The following CLIP1 variants were observed in gnomAD, a reference collection of about 807,000 sequenced individuals.
CLIP1 encodes CAP-Gly domain containing linker protein 1.
Under a neutral mutation model 161.6 loss-of-function variants are expected in CLIP1, and 66 were observed. The ratio of observed to expected loss-of-function variants is 0.41; its 90% CI spans 0.33 to 0.50. The LOEUF is 0.50. Among genes scored for constraint, CLIP1 ranks in the 20% least tolerant of loss-of-function variants. The pLI, the probability that CLIP1 is intolerant of heterozygous loss-of-function variation, is 0.27. For synonymous variants in CLIP1, 598 were observed against 626.2 expected, an observed-to-expected ratio of 0.96 and a Z score of 0.67; for missense variants, 1,376 against 1,702.0, an observed-to-expected ratio of 0.81 and a Z score of 3.37.
At chr12:122,394,228 G>A (rs1354522072) in intron 1 of CLIP1, among the ~76,000 whole-genome samples, 3 of 152,054 alleles carry the variant, frequency 2.0e-5, no homozygotes, top group South Asian at 2.1e-4. Flanking sequence ...GGTGGCTCAC[G>A]CCTGTAATCC....
chr12:122,326,859 G>T (rs980862405), intron 17 of CLIP1, among the ~76,000 whole-genome samples: 1 of 152,092 alleles, frequency 6.6e-6, no homozygotes, highest in Admixed American at 6.6e-5. Flanking sequence ...AAAACTGGAG[G>T]TATTTCACAG....
chr12:122,326,368 A>C (rs1324837337), intron 17 of CLIP1, among the ~76,000 whole-genome samples: 1 of 152,004 alleles, frequency 6.6e-6, no homozygotes, highest in Non-Finnish European at 1.5e-5. Context: ...ATGGTGGCTC[A>C]CGCCTGCAAC....
intron 3 of CLIP1, among the ~76,000 whole-genome samples, chr12:122,376,633 AT>A (rs1479272600): frequency 1.3e-5 from 2 of 150,618 alleles, no homozygotes; most frequent in Non-Finnish European, 1.5e-5. Flanking sequence ...TGCCCGGCTA[AT>A]TTTTTTTGTA....
At chr12:122,390,292 A>ATATATATG (rs1555280680) in intron 1 of CLIP1, among the ~76,000 whole-genome samples, 11 of 132,842 alleles carry the variant, frequency 8.3e-5, no homozygotes, top group African/African-American at 3.1e-4. Flanking sequence ...ATATATATAT[A>ATATATATG]TATATATATA....
At chr12:122,301,005 A>G (rs1164310315) in intron 20 of CLIP1, among the ~76,000 whole-genome samples, 2 of 152,208 alleles carry the variant, frequency 1.3e-5, no homozygotes, top group African/African-American at 2.4e-5. Context: ...GACAAACTCA[A>G]AATAAGAGAG....
intron 20 of CLIP1, 117 bp downstream of exon 20, chr12:122,309,645 T>A: frequency 8.1e-7 from 1 of 1,232,034 alleles, no homozygotes; most frequent in South Asian, 1.4e-5. Context: ...AACTTGGAAT[T>A]CCATTTGGAA....
At position 122,292,731 on chromosome 12, in the gene CLIP1, C is replaced by A. The variant is rs150289369; in HGVS notation, c.3595-4190G>T. Among the ~76,000 whole-genome samples the A allele has an allele frequency of 2.0e-4, 30 of 152,212 alleles. No homozygotes were observed. In the East Asian group the frequency reaches 5.2e-3, roughly 26 times the overall value. On this transcript the variant is annotated intron_variant, in intron 20 of 25. Transcript: ENST00000620786. ...AAGAAAGTATAAAGATGGCCGGGCA[C>A]GGTGGCTCAAGCCTGTAATCCCAGC...
chr12:122,381,273 A>AT (rs1489193305), intron 1 of CLIP1, among the ~76,000 whole-genome samples: 2 of 152,152 alleles, frequency 1.3e-5, no homozygotes, highest in Non-Finnish European at 2.9e-5. Flanking sequence ...TATTAGCTAT[A>AT]TTTTTTAAAT....
At position 122,337,156 on chromosome 12, in the gene CLIP1, TG is replaced by T. The variant is rs370674891; in HGVS notation, c.2452-409del. On this transcript the variant is annotated intron_variant, in intron 11 of 25. Transcript: ENST00000620786. ...AATGTTTAAAAAATTTTTTTACAGA[TG>T]GGGTCTCTGGCTGGGCTCGGTGGCT... is the stretch of plus-strand genomic sequence containing the variant. Among the ~76,000 whole-genome samples, 752 of 151,896 alleles carry T rather than the reference TG, an allele frequency of 5.0e-3. 10 individuals are homozygous for T. Among genetic ancestry groups the T allele is most frequent in the African/African-American group, 0.017 (722 of 41,458 alleles).
Position 122,372,248 on chromosome 12 carries a change from C to T in CLIP1, c.657+5141G>A, listed in dbSNP as rs575145307. On this transcript the variant is annotated intron_variant, in intron 3 of 25. Transcript: ENST00000620786. Reference sequence around the variant, plus strand: ...CCAGCCTGACCAACATGGAAAAACCCCGTCTCTACTAAAAATACAAAATTA... The same window carrying T: ...CCAGCCTGACCAACATGGAAAAACCTCGTCTCTACTAAAAATACAAAATTA... Among the ~76,000 whole-genome samples, 6 of 152,104 alleles carry T rather than the reference C, an allele frequency of 3.9e-5. No homozygotes were observed. The South Asian group carries it at 1.2e-3, about 32-fold the overall frequency.
At position 122,347,522 on chromosome 12, in the gene CLIP1, C is replaced by T. The variant is rs775824217; in HGVS notation, c.1402-43G>A. Reference sequence around the variant, plus strand: ...GAGGAAGAGAACACAACAGTGCCACCATGACATGCCAGCACGAGAGGAGAG... The same window carrying T: ...GAGGAAGAGAACACAACAGTGCCACTATGACATGCCAGCACGAGAGGAGAG... On this transcript the variant is annotated intron_variant, in intron 9 of 25. Transcript: ENST00000620786. The T allele has an allele frequency of 4.8e-6, 7 of 1,445,646 alleles. No homozygotes were observed. In the South Asian group the frequency reaches 6.9e-5, roughly 14 times the overall value. The allele number at this position is 1,445,646 out of a possible 1,614,324, so 89.6% of individuals were successfully genotyped here. A position where few individuals can be genotyped will look rare whatever the true frequency, so the allele number is the denominator to read the frequency against.
chr12:122,278,400 C>A (rs1011306345), intron 23 of CLIP1, 197 bp from the exon 24 acceptor site: 21 of 605,568 alleles, frequency 3.5e-5, no homozygotes, highest in Non-Finnish European at 5.5e-5. Flanking sequence ...CAGACACCAG[C>A]CTTGCCCTTC....
In CLIP1 at chr12:122,334,019, CTT is replaced by C. The variant is rs758019565; in HGVS notation, c.2710+6_2710+7del. Reference sequence around the variant, plus strand: ...TTTAATGTTTAGTCACCAGAGATGTCTTCTTACCTGCTAAGTTTTCTCTCAGC... The same window carrying C: ...TTTAATGTTTAGTCACCAGAGATGTCCTTACCTGCTAAGTTTTCTCTCAGC... On this transcript the variant is annotated splice_donor_region_variant and intron_variant, in intron 14 of 25. Transcript: ENST00000620786. 2.5e-6 allele frequency: 4 copies of C among 1,584,818 alleles called. No homozygotes were observed. In the African/African-American group the frequency reaches 5.4e-5, roughly 21 times the overall value.
At chr12:122,346,649 T>C (rs753510456) in intron 10 of CLIP1, among the ~76,000 whole-genome samples, 30 of 152,240 alleles carry the variant, frequency 2.0e-4, no homozygotes, top group East Asian at 3.9e-4. Context: ...ATTACAGGCA[T>C]GCGCCACCAG....
intron 11 of CLIP1, among the ~76,000 whole-genome samples, chr12:122,339,592 G>C (rs1222200773): frequency 3.3e-5 from 5 of 152,110 alleles, no homozygotes; most frequent in African/African-American, 1.2e-4. Context: ...CAAAGCACTG[G>C]GATTACAGGC....
At chr12:122,368,508 A>C (rs1035135656) in intron 3 of CLIP1, among the ~76,000 whole-genome samples, 51 of 152,346 alleles carry the variant, frequency 3.3e-4, no homozygotes, top group African/African-American at 1.2e-3. Flanking sequence ...CAAGCCATTT[A>C]ATCTCACAGT....
intron 10 of CLIP1, among the ~76,000 whole-genome samples, 185 bp downstream of exon 10, chr12:122,347,190 A>G (rs549002706): frequency 2.6e-5 from 4 of 152,324 alleles, no homozygotes; most frequent in Admixed American, 2.0e-4. Flanking sequence ...ACTTTTGACA[A>G]AAGACGAGAT....
chr12:122,422,540 C>A lies in CLIP1; in HGVS notation c.-126G>T. On this transcript the variant is annotated 5_prime_UTR_variant, in exon 1 of 26. Transcript: ENST00000620786. ...GCTCACCTCCTCGGACGCCGCCGGT[C>A]GCCGCCACCTGTCCCACTGCAGCAG... The A allele has an allele frequency of 1.3e-5, 2 of 149,874 alleles. No individual in the cohort carries two copies. Among genetic ancestry groups the A allele is most frequent in the South Asian group, 3.6e-4 (2 of 5,486 alleles). The allele number at this position is 149,874 out of a possible 1,614,324, so 9.3% of individuals were successfully genotyped here.
chr12:122,415,481 CAAAAAAAAAA>C (rs546640412), intron 1 of CLIP1, among the ~76,000 whole-genome samples: 1 of 78,820 alleles, frequency 1.3e-5, no homozygotes, highest in African/African-American at 4.7e-5. Flanking sequence ...GACTCCATCT[CAAAAAAAAAA>C]AAAAAAAAAA....
Sources: allele counts gnomAD v4.1 joint callset (sites outside exome capture counted in the v4.1 genomes callset), GRCh38; gene constraint gnomAD v4.1.1; transcripts MANE v1.5; gene names NCBI Gene and HGNC (gene_info 2026-07-23, HGNC 2026-07-21).